RANBP1: variants seen among roughly 807,000 people sequenced by gnomAD.
RANBP1 encodes the protein RAN binding protein 1.
Under a neutral mutation model 31.4 loss-of-function variants are expected in RANBP1, and 16 were observed. That is an observed-to-expected ratio of 0.51 (90% CI 0.34 to 0.77). The LOEUF is 0.77. Ranked by LOEUF, RANBP1 falls within the 30% of genes least tolerant of loss-of-function variation. The pLI, the probability that RANBP1 is intolerant of heterozygous loss-of-function variation, is 0.01. For synonymous variants in RANBP1, 129 were observed against 140.5 expected (o/e 0.92, Z 0.58); for missense variants, 265 against 362.0 (o/e 0.73, Z 2.17).
At chr22:20,126,450 G>C (rs2050300685) in intron 5 of RANBP1, 82 bp downstream of exon 5, 2 of 1,609,288 alleles carry the variant, frequency 1.2e-6, no homozygotes, top group Non-Finnish European at 1.7e-6. Flanking sequence ...TGCTTTTTCT[G>C]TCTGCCAGAT....
intron 2 of RANBP1, among the ~76,000 whole-genome samples, chr22:20,119,725 C>G (rs2050134719): frequency 6.6e-6 from 1 of 152,170 alleles, no homozygotes; most frequent in Non-Finnish European, 1.5e-5. Flanking sequence ...CCGTATTAGC[C>G]AGGATGGTCT....
chr22:20,119,992 CTG>C (rs1007343776), intron 2 of RANBP1, among the ~76,000 whole-genome samples: 15 of 152,326 alleles, frequency 9.8e-5, no homozygotes, highest in African/African-American at 3.6e-4. Context: ...ACCACAGAGA[CTG>C]TGGCCTGTCG....
chr22:20,121,700 A>G (rs2050174981), intron 2 of RANBP1, among the ~76,000 whole-genome samples: 1 of 152,010 alleles, frequency 6.6e-6, no homozygotes, highest in African/African-American at 2.4e-5. Context: ...GTTAGCCATC[A>G]TGTCCAGCTA....
In RANBP1 at chr22:20,117,564, G is replaced by C. The variant is rs961321439; in HGVS notation, c.246+1134G>C. The stretch of plus-strand genomic sequence containing the variant: ...GCGGGAGGCGCCGGCGCCAGACGCG[G>C]AGGGAAGGAGCTACGAGTAGCCGCC... On this transcript the variant is annotated intron_variant, in intron 1 of 5. Coordinates refer to ENST00000430524, the MANE Select transcript of RANBP1 (RefSeq NM_001278639.2). 7 of 1,411,958 alleles carry C rather than the reference G, an allele frequency of 5.0e-6. No homozygotes were observed. The African/African-American group carries it at 1.1e-4, about 21-fold the overall frequency. The allele number at this position is 1,411,958 out of a possible 1,614,324, so 87.5% of individuals were successfully genotyped here.
intron 1 of RANBP1, chr22:20,118,070 C>T (rs1020415429): frequency 6.0e-6 from 6 of 997,384 alleles, no homozygotes; most frequent in African/African-American, 1.7e-5. Flanking sequence ...TCATTCGGTT[C>T]TTACGTCTGG....
At chr22:20,116,936 G>A (rs1371173483) in intron 1 of RANBP1, 2 of 1,582,106 alleles carry the variant, frequency 1.3e-6, no homozygotes, top group South Asian at 2.3e-5. Flanking sequence ...CTAGACCAGG[G>A]ACGCCATGGG....
chr22:20,118,898 C>G, intron 1 of RANBP1, 115 bp from the exon 2 acceptor site: 1 of 1,112,828 alleles, frequency 9.0e-7, no homozygotes, highest in Non-Finnish European at 1.3e-6. Context: ...TTGGGCCCAT[C>G]CTTGTATCTG....
intron 1 of RANBP1, chr22:20,116,823 A>ACCCCCCCCCCCC: frequency 7.7e-7 from 1 of 1,294,022 alleles, no homozygotes; most frequent in Non-Finnish European, 1.1e-6. Flanking sequence ...AGGTTTCCTG[A>ACCCCCCCCCCCC]CCCACCCCGC....
At chr22:20,125,698 T>C in intron 4 of RANBP1, 3 of 1,336,408 alleles carry the variant, frequency 2.2e-6, no homozygotes, top group Non-Finnish European at 2.9e-6. Context: ...GCTGGCACTT[T>C]GGTTTGCTCT....
Position 20,127,191 on chromosome 22 carries a change from G to GT in RANBP1, c.*141dup. On this transcript the variant is annotated 3_prime_UTR_variant, in exon 6 of 6. Transcript: ENST00000430524. The stretch of plus-strand genomic sequence containing the variant: ...ATAAAGAACTGAACTCAACATTCAG[G>GT]TTGTTTTTTTTTTTTGTTTCTAAGT... 10 of 602,310 alleles carry GT rather than the reference G, an allele frequency of 1.7e-5. No homozygotes were observed. The highest frequency in any genetic ancestry group is 3.9e-5 in the East Asian group (1 of 25,702). 37.3% of individuals were successfully genotyped at this position (602,310 alleles called of 1,614,324 possible).
chr22:20,121,082 T>G (rs916302124), intron 2 of RANBP1, among the ~76,000 whole-genome samples: 1 of 152,214 alleles, frequency 6.6e-6, no homozygotes, highest in African/African-American at 2.4e-5. Context: ...GCTTCTTGAA[T>G]AGCTGGGGCT....
intron 1 of RANBP1, 132 bp downstream of exon 1, chr22:20,116,562 G>C: frequency 1.3e-6 from 2 of 1,583,298 alleles, no homozygotes; most frequent in Non-Finnish European, 1.7e-6. Flanking sequence ...CGGTAGGGCA[G>C]CTCAGGGCAC....
chr22:20,127,224 C>G lies in RANBP1; in HGVS notation c.*172C>G, dbSNP rs1161481206. On this transcript the variant is annotated 3_prime_UTR_variant, in exon 6 of 6. Coordinates refer to ENST00000430524, the MANE Select transcript of RANBP1 (RefSeq NM_001278639.2). ...TTTTTTTTGTTTCTAAGTTTTTGCC[C>G]TATTGAAGATGACTTCAGAAAATCC... The G allele has an allele frequency of 2.1e-6, 1 of 481,534 alleles. No homozygotes were observed. The highest frequency in any genetic ancestry group is 4.0e-5 in the East Asian group (1 of 24,756). The allele number at this position is 481,534 out of a possible 1,614,324, so 29.8% of individuals were successfully genotyped here. A position where few individuals can be genotyped will look rare whatever the true frequency, so the allele number is the denominator to read the frequency against.
chr22:20,126,623 G>A (rs1397779197), intron 5 of RANBP1: 2 of 1,525,304 alleles, frequency 1.3e-6, no homozygotes, highest in East Asian at 2.6e-5. Flanking sequence ...TCACCAGAAG[G>A]TGCTTTATGA....
At chr22:20,121,342 C>A (rs138393710) in intron 2 of RANBP1, among the ~76,000 whole-genome samples, 1 of 152,080 alleles carries the variant, frequency 6.6e-6, no homozygotes, top group African/African-American at 2.4e-5. Context: ...CTCTGCCTCC[C>A]GGCTTCAAGG....
At chr22:20,119,219 T>C in intron 2 of RANBP1, 70 bp downstream of exon 2, 1 of 1,483,236 alleles carries the variant, frequency 6.7e-7, no homozygotes, top group African/African-American at 1.4e-5. Context: ...GGTGTCCAGG[T>C]TTTGGCCTGA....
At chr22:20,122,654 C>G in intron 3 of RANBP1, 1 of 1,450,796 alleles carries the variant, frequency 6.9e-7, no homozygotes, top group African/African-American at 1.5e-5. Context: ...CCAGACGGGC[C>G]CTGATGGGAG....
At position 20,119,048 on chromosome 22, in the gene RANBP1, T is replaced by C; in HGVS notation, c.282T>C (p.Asn94=). The change falls in exon 2 of 6, where the codon AAT becomes AAC. Residue 94 remains asparagine (N), a synonymous_variant. Coordinates refer to ENST00000430524, the MANE Select transcript of RANBP1 (RefSeq NM_001278639.2). ...AGGACCATGATACTTCCACTGAGAA[T>C]ACAGACGAGTCCAACCATGACCCTC... ...THEDHDTSTE[N]TDESNHDPQF... The C allele has an allele frequency of 6.2e-7, 1 of 1,613,318 alleles. No individual in the cohort carries two copies. Among genetic ancestry groups the C allele is most frequent in the Non-Finnish European group, 8.5e-7 (1 of 1,179,714 alleles).
chr22:20,117,534 G>A (rs2050064009), intron 1 of RANBP1: 1 of 1,362,932 alleles, frequency 7.3e-7, no homozygotes, highest in Non-Finnish European at 9.4e-7. Flanking sequence ...GGGAAGAGCG[G>A]GCGGGCGGGA....
Sources: gnomAD v4.1 joint callset for allele counts (sites outside exome capture counted in the v4.1 genomes callset) on GRCh38, gnomAD v4.1.1 for gene constraint, MANE v1.5 for transcripts, NCBI Gene and HGNC (gene_info 2026-07-23, HGNC 2026-07-21) for gene names.